IL23R: variants seen among roughly 807,000 people sequenced by gnomAD.
The protein encoded by IL23R is interleukin-23 receptor.
Under a neutral mutation model 56.9 loss-of-function variants are expected in IL23R, and 34 were observed. That is an observed-to-expected ratio of 0.60 (90% CI 0.45 to 0.80). The LOEUF is 0.80. IL23R is among the 30% of genes least tolerant of loss of function. The probability of loss-of-function intolerance (pLI) is 0.00; values close to 1 mark genes in which losing one functional copy is unlikely to be tolerated. For synonymous variants in IL23R, 230 were observed against 249.2 expected, an observed-to-expected ratio of 0.92 and a Z score of 0.73; for missense variants, 635 against 730.0, an observed-to-expected ratio of 0.87 and a Z score of 1.50.
intron 1 of IL23R, among the ~76,000 whole-genome samples, chr1:67,167,070 T>G (rs933202765): frequency 1.2e-4 from 19 of 152,204 alleles, no homozygotes; most frequent in Non-Finnish European, 2.2e-4. Flanking sequence ...ACGTGTTCCT[T>G]TCGCGTTCTC....
chr1:67,208,324 G>A (rs1649225292), intron 6 of IL23R, among the ~76,000 whole-genome samples: 2 of 152,220 alleles, frequency 1.3e-5, no homozygotes, highest in South Asian at 4.1e-4. Context: ...GTAGCAAGGA[G>A]CCTAATGTTA....
At chr1:67,146,062 A>G (rs1360967154) in intron 1 of IL23R, among the ~76,000 whole-genome samples, 3 of 152,206 alleles carry the variant, frequency 2.0e-5, no homozygotes, top group South Asian at 4.1e-4. Context: ...CTGATTTCCC[A>G]GGTGCCAGTC....
chr1:67,250,286 A>G (rs539427440), intron 9 of IL23R, among the ~76,000 whole-genome samples: 1 of 152,202 alleles, frequency 6.6e-6, no homozygotes. Flanking sequence ...ACCATCTATG[A>G]CATGCTTAGA....
chr1:67,209,521 C>T (rs1490306222), intron 6 of IL23R, among the ~76,000 whole-genome samples: 9 of 152,128 alleles, frequency 5.9e-5, no homozygotes, highest in East Asian at 5.8e-4. Flanking sequence ...CAGGGGTTTC[C>T]GCTTTTGCTT....
chr1:67,232,629 T>C (rs1260461843), intron 7 of IL23R, among the ~76,000 whole-genome samples: 1 of 152,176 alleles, frequency 6.6e-6, no homozygotes, highest in Non-Finnish European at 1.5e-5. Context: ...GTCTGTGTGA[T>C]TGGGTTGTTG....
downstream of IL23R, among the ~76,000 whole-genome samples, chr1:67,263,547 C>G (rs927737096): frequency 5.3e-5 from 8 of 152,166 alleles, no homozygotes; most frequent in Admixed American, 5.2e-4. Flanking sequence ...GACATAGAGA[C>G]AGCACATGAC....
chr1:67,200,045 T>G (rs1383847776), intron 4 of IL23R, among the ~76,000 whole-genome samples: 1 of 151,960 alleles, frequency 6.6e-6, no homozygotes, highest in African/African-American at 2.4e-5. Context: ...TTTTTGTTTT[T>G]GTTTTTGTTT....
chr1:67,213,934 C>T (rs1198139622), intron 6 of IL23R, among the ~76,000 whole-genome samples: 1 of 152,210 alleles, frequency 6.6e-6, no homozygotes, highest in East Asian at 1.9e-4. Flanking sequence ...ACCTCTCTCC[C>T]TTCTGAATTC....
At chr1:67,141,323 T>C (rs908369945) in intron 1 of IL23R, among the ~76,000 whole-genome samples, 1 of 152,200 alleles carries the variant, frequency 6.6e-6, no homozygotes, top group Non-Finnish European at 1.5e-5. Flanking sequence ...TAGAAACTAT[T>C]AATGTATTAT....
chr1:67,161,827 C>A (rs941341248), upstream of IL23R, among the ~76,000 whole-genome samples: 2 of 151,918 alleles, frequency 1.3e-5, no homozygotes, highest in East Asian at 3.9e-4. Context: ...GGAGTTTCAC[C>A]ATGTTGGCCA....
chr1:67,241,948 T>G (rs72676093), intron 9 of IL23R, among the ~76,000 whole-genome samples: 12,781 of 152,242 alleles, frequency 0.084, 641 homozygotes, highest in Non-Finnish European at 0.11. Context: ...TCTCCATACA[T>G]CATAAGTGCC....
intron 7 of IL23R, among the ~76,000 whole-genome samples, chr1:67,227,430 C>CTTT (rs3052957): frequency 0.23 from 33,239 of 147,012 alleles, 4,077 homozygotes; most frequent in Non-Finnish European, 0.28. Context: ...TCATATTACT[C>CTTT]TTTTTTTTTT....
At chr1:67,217,176 G>A (rs997252365) in intron 6 of IL23R, among the ~76,000 whole-genome samples, 15 of 152,074 alleles carry the variant, frequency 9.9e-5, no homozygotes, top group African/African-American at 1.9e-4. Flanking sequence ...AGAATATTAC[G>A]TTTCAATGAC....
At chr1:67,221,871 A>G (rs1355474523) in intron 7 of IL23R, among the ~76,000 whole-genome samples, 1 of 152,028 alleles carries the variant, frequency 6.6e-6, no homozygotes, top group Non-Finnish European at 1.5e-5. Flanking sequence ...CTACTGCCCA[A>G]ATCTTAGAAA....
At chr1:67,198,243 A>C (rs1340622452) in intron 4 of IL23R, among the ~76,000 whole-genome samples, 3 of 152,192 alleles carry the variant, frequency 2.0e-5, no homozygotes, top group Non-Finnish European at 4.4e-5. Context: ...GGGTGGAAAC[A>C]ATATCAAATC....
At chr1:67,228,142 GTCTT>G (rs1650844222) in intron 7 of IL23R, among the ~76,000 whole-genome samples, 1 of 64,688 alleles carries the variant, frequency 1.5e-5, no homozygotes, top group African/African-American at 5.3e-5. Context: ...CTTTCTTTCT[GTCTT>G]TCTTTTTCCT....
intron 5 of IL23R, among the ~76,000 whole-genome samples, chr1:67,205,902 T>TCTTTCTTC (rs1491520742): frequency 4.0e-5 from 5 of 124,080 alleles, no homozygotes; most frequent in African/African-American, 1.3e-4. Context: ...TTTCTTTCTT[T>TCTTTCTTC]CTTTCTTTCT....
chr1:67,207,891 C>T (rs185902261), intron 6 of IL23R, among the ~76,000 whole-genome samples: 10 of 152,264 alleles, frequency 6.6e-5, no homozygotes, highest in Middle Eastern at 3.4e-3. Context: ...CAGAAGAAGA[C>T]AGGAAAATGT....
intron 4 of IL23R, among the ~76,000 whole-genome samples, chr1:67,185,970 T>C (rs1647299390): frequency 6.6e-6 from 1 of 151,996 alleles, no homozygotes; most frequent in Non-Finnish European, 1.5e-5. Flanking sequence ...ACAGATGGCG[T>C]GGGGAGCTCA....
Sources: gnomAD v4.1 joint callset for allele counts (sites outside exome capture counted in the v4.1 genomes callset) on GRCh38, gnomAD v4.1.1 for gene constraint, MANE v1.5 for transcripts, NCBI Gene and HGNC (gene_info 2026-07-23, HGNC 2026-07-21) for gene names.